Variants in STPG4 observed in about 807,000 individuals in gnomAD.
The protein encoded by STPG4 is protein STPG4.
STPG4 carries 41 observed loss-of-function variants against 31.5 expected under a neutral mutation model. The ratio of observed to expected loss-of-function variants is 1.30; its 90% CI spans 1.01 to 1.69. The LOEUF (loss-of-function observed/expected upper bound fraction) is 1.69. Ranked by LOEUF, STPG4 falls within the 40% of genes most tolerant of loss-of-function variation. STPG4 has a pLI of 0.00. For synonymous variants in STPG4, 141 were observed against 103.0 expected (o/e 1.37, Z -2.24); for missense variants, 375 against 293.4 (o/e 1.28, Z -2.03).
chr2:47,117,928 A>ATT (rs1387475585), intron 5 of STPG4, among the ~76,000 whole-genome samples: 1 of 54,722 alleles, frequency 1.8e-5, no homozygotes, highest in South Asian at 5.7e-4. Flanking sequence ...ATATATATAT[A>ATT]TATTTTTTTT....
chr2:47,133,320 C>T (rs1686526043), intron 3 of STPG4, among the ~76,000 whole-genome samples: 1 of 151,732 alleles, frequency 6.6e-6, no homozygotes, highest in Non-Finnish European at 1.5e-5. Context: ...GCATGTGCAA[C>T]CACACCTAGC....
At chr2:47,150,169 T>C (rs1686906815) in intron 3 of STPG4, among the ~76,000 whole-genome samples, 1 of 152,212 alleles carries the variant, frequency 6.6e-6, no homozygotes, top group Non-Finnish European at 1.5e-5. Flanking sequence ...TGGAAGCCCA[T>C]AGTAAACCAT....
intron 3 of STPG4, among the ~76,000 whole-genome samples, chr2:47,142,140 T>C: frequency 6.6e-6 from 1 of 151,896 alleles, no homozygotes; most frequent in East Asian, 1.9e-4. Flanking sequence ...CAAAGATCAG[T>C]GAGTTAACTG....
intron 3 of STPG4, among the ~76,000 whole-genome samples, chr2:47,134,428 G>C (rs1055940357): frequency 2.0e-5 from 3 of 152,112 alleles, no homozygotes; most frequent in African/African-American, 7.2e-5. Context: ...GCCTTTTCCA[G>C]AATGTCATAG....
rs1686929366 is a variant in STPG4, at chr2:47,151,277, G to A, written c.380C>T (p.Thr127Ile). Residue 127 changes from threonine (T) to isoleucine (I), a missense_variant, in exon 3 of 7, where the codon ACA (threonine) becomes ATA (isoleucine). By Grantham distance (89) the Thr-to-Ile change is moderately conservative (BLOSUM62 -1). Coordinates refer to ENST00000445927, the MANE Select transcript of STPG4 (RefSeq NM_001163561.2). ...FKDKPRPSPS[T>I]LVDKDQSLQL... The stretch of plus-strand genomic sequence containing the variant: ...CTTTACCTGATCTTTGTCAACTAGT[G>A]TGCTGGGGCTTGGCCGTGGTTTGTC... 1.9e-6 allele frequency: 3 copies of A among 1,614,214 alleles called. No individual in the cohort carries two copies. The highest frequency in any genetic ancestry group is 2.5e-6 in the Non-Finnish European group (3 of 1,180,040).
intron 5 of STPG4, among the ~76,000 whole-genome samples, chr2:47,120,329 T>TCAAAAA (rs1396976736): frequency 1.3e-5 from 2 of 152,006 alleles, no homozygotes; most frequent in Non-Finnish European, 2.9e-5. Flanking sequence ...AGACTCTGTC[T>TCAAAAA]CAAAAACAAA....
intron 5 of STPG4, among the ~76,000 whole-genome samples, chr2:47,092,903 C>G (rs1255621570): frequency 6.6e-6 from 1 of 152,048 alleles, no homozygotes; most frequent in Non-Finnish European, 1.5e-5. Context: ...AGCGATTCTT[C>G]TGCATCAGCC....
At position 47,124,931 on chromosome 2, in the gene STPG4, C is replaced by T. The variant is rs188333272; in HGVS notation, c.519+5010G>A. ...TTTTCTCCACATCCTCGCCAGCATT[C>T]ACTATTGCCTGTATTTTGGATATAA... On this transcript the variant is annotated intron_variant, in intron 5 of 6. Coordinates refer to ENST00000445927, the MANE Select transcript of STPG4 (RefSeq NM_001163561.2). 2.0e-3 allele frequency among the ~76,000 whole-genome samples: 297 copies of T among 152,274 alleles called. 1 individual carries two copies. The highest frequency in any genetic ancestry group is 0.016 in the South Asian group (75 of 4,824).
At position 47,093,789 on chromosome 2, in the gene STPG4, T is replaced by C. The variant is rs147355691; in HGVS notation, c.520-3415A>G. ...TATTCCACATGTGGCAGATGGGATC[T>C]TTAAGAGGGAGCACTGAGGAAGTGG... On this transcript the variant is annotated intron_variant, in intron 5 of 6. Transcript: ENST00000445927. Among the ~76,000 whole-genome samples the C allele has an allele frequency of 7.2e-5, 11 of 152,322 alleles. No individual in the cohort carries two copies. In the East Asian group the frequency reaches 2.1e-3, roughly 29 times the overall value.
intron 4 of STPG4, 64 bp from the exon 5 acceptor site, chr2:47,130,059 C>T: frequency 6.7e-7 from 1 of 1,483,122 alleles, no homozygotes; most frequent in Admixed American, 1.9e-5. Flanking sequence ...TCTTTGTTAA[C>T]TTATTCCCTA....
intron 3 of STPG4, among the ~76,000 whole-genome samples, chr2:47,131,190 G>A (rs933318259): frequency 2.0e-5 from 3 of 151,946 alleles, no homozygotes; most frequent in Non-Finnish European, 4.4e-5. Context: ...GCAGTGGCGT[G>A]ATCACAGCTC....
intron 1 of STPG4, 82 bp from the exon 2 acceptor site, chr2:47,153,098 A>G (rs1169339086): frequency 7.4e-6 from 8 of 1,088,046 alleles, no homozygotes; most frequent in Non-Finnish European, 5.5e-6. Context: ...CATTTGCTTG[A>G]AGAAATTCAC....
chr2:47,094,313 C>T (rs6753769), intron 5 of STPG4, among the ~76,000 whole-genome samples: 4,947 of 152,254 alleles, frequency 0.032, 238 homozygotes, highest in African/African-American at 0.11. Context: ...CAGGGGAGAA[C>T]AGAATAGTCA....
intron 5 of STPG4, among the ~76,000 whole-genome samples, chr2:47,114,798 T>C (rs1421177846): frequency 6.6e-6 from 1 of 152,132 alleles, no homozygotes; most frequent in East Asian, 1.9e-4. Flanking sequence ...GACAGAGTCT[T>C]GCTCTGTCAC....
At chr2:47,115,766 T>C (rs1686140757) in intron 5 of STPG4, among the ~76,000 whole-genome samples, 1 of 151,462 alleles carries the variant, frequency 6.6e-6, no homozygotes, top group Admixed American at 6.6e-5. Context: ...GATTCTTCTG[T>C]CTCAGCCTTC....
chr2:47,122,154 G>C (rs1686285406), intron 5 of STPG4, among the ~76,000 whole-genome samples: 1 of 152,084 alleles, frequency 6.6e-6, no homozygotes. Flanking sequence ...TTTATGAATT[G>C]TCTATTTATG....
chr2:47,128,035 C>A (rs954672416), intron 5 of STPG4, among the ~76,000 whole-genome samples: 12 of 152,106 alleles, frequency 7.9e-5, no homozygotes, highest in East Asian at 5.8e-4. Flanking sequence ...CTTTGGTCAC[C>A]GTAGCTGTGT....
intron 3 of STPG4, among the ~76,000 whole-genome samples, chr2:47,144,520 G>A (rs974549116): frequency 6.6e-6 from 1 of 151,784 alleles, no homozygotes; most frequent in Non-Finnish European, 1.5e-5. Context: ...CCTGACTCTA[G>A]AAAATAAATA....
chr2:47,121,847 C>CGTGTGTGTGTGTGTGT (rs10538224), intron 5 of STPG4, among the ~76,000 whole-genome samples: 33 of 144,326 alleles, frequency 2.3e-4, no homozygotes, highest in African/African-American at 4.2e-4. Flanking sequence ...GCCCTCTCCT[C>CGTGTGTGTGTGTGTGT]GTGTGTGTGT....
Sources: gnomAD v4.1 joint callset for allele counts (sites outside exome capture counted in the v4.1 genomes callset) on GRCh38, gnomAD v4.1.1 for gene constraint, MANE v1.5 for transcripts, NCBI Gene and HGNC (gene_info 2026-07-23, HGNC 2026-07-21) for gene names.